Variants in PLXNC1 observed in about 807,000 individuals in gnomAD.
The protein encoded by PLXNC1 is plexin-C1.
A neutral mutation model predicts 178.2 loss-of-function variants in PLXNC1; 75 were observed. That is an observed-to-expected ratio of 0.42 (90% CI 0.35 to 0.51). The LOEUF (loss-of-function observed/expected upper bound fraction) is 0.51. PLXNC1 is among the 20% of genes least tolerant of loss of function. The pLI is 0.02. For missense variants in PLXNC1, 1,503 were observed against 1,984.4 expected (o/e 0.76, Z 4.61); for synonymous variants, 790 against 779.9 (o/e 1.01, Z -0.22).
chr12:94,209,679 A>G lies in PLXNC1; in HGVS notation c.1529A>G (p.Gln510Arg), dbSNP rs1963407431. The change falls in exon 5 of 31, where the codon CAG becomes CGG. Residue 510 changes from glutamine (Q) to arginine (R), a missense_variant. Transcript: ENST00000258526. ...SSGAKKCPKI[Q>R]IIRSSKEKTT... ...GGAGCAAAAAAGTGCCCTAAAATTC[A>G]GATAATTCGAAGCAGTAAAGAAAAG... 3.1e-6 allele frequency: 5 copies of G among 1,609,342 alleles called. No homozygotes were observed. The South Asian group carries it at 5.5e-5, about 18-fold the overall frequency.
At chr12:94,298,968 A>G (rs751521935) in intron 27 of PLXNC1, among the ~76,000 whole-genome samples, 173 bp downstream of exon 27, 8 of 152,232 alleles carry the variant, frequency 5.3e-5, no homozygotes, top group Non-Finnish European at 1.2e-4. Flanking sequence ...TTTAAACAAT[A>G]AAGGAAACCA....
chr12:94,259,555 C>T, intron 18 of PLXNC1, 55 bp from the exon 19 acceptor site: 1 of 1,361,334 alleles, frequency 7.3e-7, no homozygotes, highest in South Asian at 1.5e-5. Context: ...TACTTTCTAA[C>T]TTTAAACTTA....
chr12:94,219,781 CA>C (rs1417189001), intron 5 of PLXNC1, among the ~76,000 whole-genome samples: 2 of 148,228 alleles, frequency 1.3e-5, no homozygotes, highest in Admixed American at 1.3e-4. Flanking sequence ...AAATAGCCAA[CA>C]AAACATCTAT....
At chr12:94,250,308 G>A (rs942071719) in intron 14 of PLXNC1, among the ~76,000 whole-genome samples, 2 of 152,168 alleles carry the variant, frequency 1.3e-5, no homozygotes, top group African/African-American at 2.4e-5. Context: ...GGCGCCATGA[G>A]CTGACTTATT....
intron 8 of PLXNC1, 91 bp downstream of exon 8, chr12:94,226,798 T>C (rs1009885390): frequency 3.3e-6 from 3 of 903,632 alleles, no homozygotes; most frequent in African/African-American, 3.3e-5. Flanking sequence ...TCGAGGCGGG[T>C]GGATCAATTG....
At chr12:94,261,471 G>A (rs1964985911) in intron 20 of PLXNC1, among the ~76,000 whole-genome samples, 1 of 152,232 alleles carries the variant, frequency 6.6e-6, no homozygotes, top group Non-Finnish European at 1.5e-5. Context: ...ATAAACTAGA[G>A]AATTGGAAGA....
intron 18 of PLXNC1, 99 bp downstream of exon 18, chr12:94,259,474 AT>A: frequency 8.2e-7 from 1 of 1,215,870 alleles, no homozygotes; most frequent in Non-Finnish European, 1.2e-6. Context: ...TTGAATTTTT[AT>A]TGTGGGTTTT....
chr12:94,278,775 A>G (rs1966188533), intron 21 of PLXNC1, among the ~76,000 whole-genome samples: 1 of 152,168 alleles, frequency 6.6e-6, no homozygotes, highest in African/African-American at 2.4e-5. Flanking sequence ...AGGTGGGCAG[A>G]TCACAAGGTC....
At position 94,169,225 on chromosome 12, in the gene PLXNC1, G is replaced by A. The variant is rs759512732; in HGVS notation, c.1135G>A (p.Val379Ile). ...STLIHSDLTS[V>I]YGTVVMNRTV... ...CTTGATCCATTCCGACCTGACATCC[G>A]TTTATGGCACCGTGGTAATGAACAG... is the stretch of plus-strand genomic sequence containing the variant. Residue 379 changes from valine (V) to isoleucine (I), a missense_variant, in exon 2 of 31, where the codon GTT becomes ATT. This residue lies in a region of PLXNC1 where 615 missense variants were observed against 698.6 expected (regional missense o/e 0.88). Transcript: ENST00000258526. 13 of 1,613,648 alleles carry A rather than the reference G, an allele frequency of 8.1e-6. No homozygotes were observed. The highest frequency in any genetic ancestry group is 4.0e-5 in the African/African-American group (3 of 74,910).
intron 2 of PLXNC1, among the ~76,000 whole-genome samples, chr12:94,177,553 A>AGAG (rs1962149530): frequency 2.1e-5 from 3 of 140,150 alleles, no homozygotes; most frequent in African/African-American, 8.8e-5. Flanking sequence ...GAGAGAAAGA[A>AGAG]AAAGAAAGAG....
At chr12:94,224,919 C>G (rs533089792) in intron 7 of PLXNC1, among the ~76,000 whole-genome samples, 1 of 152,022 alleles carries the variant, frequency 6.6e-6, no homozygotes, top group South Asian at 2.1e-4. Flanking sequence ...AAAGAAGGAG[C>G]GCTGCTAGGT....
At chr12:94,283,475 G>T (rs559109319) in intron 23 of PLXNC1, among the ~76,000 whole-genome samples, 2 of 152,294 alleles carry the variant, frequency 1.3e-5, no homozygotes, top group East Asian at 3.9e-4. Context: ...TGCCCAACAG[G>T]TTCACCTTCC....
chr12:94,201,748 C>CTTTTTTTTTTTTTTTTTT (rs10529488), intron 4 of PLXNC1, among the ~76,000 whole-genome samples: 1 of 54,422 alleles, frequency 1.8e-5, no homozygotes, highest in African/African-American at 7.3e-5. Context: ...CTTCCCACTA[C>CTTTTTTTTTTTTTTTTTT]TTTTTTTTTT....
intron 1 of PLXNC1, among the ~76,000 whole-genome samples, chr12:94,166,243 T>C (rs1961603733): frequency 6.7e-6 from 1 of 149,394 alleles, no homozygotes; most frequent in African/African-American, 2.4e-5. Flanking sequence ...GCCAAACCTG[T>C]TCTAAGCTTT....
chr12:94,253,211 GAAAAAAAA>G (rs35584186), intron 15 of PLXNC1, among the ~76,000 whole-genome samples: 6 of 42,024 alleles, frequency 1.4e-4, no homozygotes, highest in African/African-American at 3.0e-4. Context: ...CTCCGTCTCA[GAAAAAAAA>G]AAAAAAAAAA....
Position 94,169,301 on chromosome 12 carries a change from T to G in PLXNC1, c.1203+8T>G, listed in dbSNP as rs1961751537. ...GATGGCCAGTTACTTAAGGTTGGTT[T>G]TCTGTGCCTTCTTCAAATGTCTATT... is the stretch of plus-strand genomic sequence containing the variant. On this transcript the variant is annotated splice_region_variant and intron_variant, in intron 2 of 30. Transcript: ENST00000258526. The G allele has an allele frequency of 2.5e-6, 4 of 1,611,296 alleles. No individual in the cohort carries two copies. The East Asian group carries it at 8.9e-5, about 36-fold the overall frequency.
At chr12:94,215,300 A>G (rs1963611027) in intron 5 of PLXNC1, among the ~76,000 whole-genome samples, 1 of 152,240 alleles carries the variant, frequency 6.6e-6, no homozygotes, top group African/African-American at 2.4e-5. Context: ...CTTAGAATAT[A>G]TGGAAAACAT....
chr12:94,236,109 T>C (rs1277105298), intron 9 of PLXNC1, among the ~76,000 whole-genome samples: 1 of 152,258 alleles, frequency 6.6e-6, no homozygotes, highest in African/African-American at 2.4e-5. Flanking sequence ...CAGTCAAGTA[T>C]AACAGAATAA....
intron 22 of PLXNC1, among the ~76,000 whole-genome samples, chr12:94,281,393 A>G (rs1027326344): frequency 6.6e-6 from 1 of 152,198 alleles, no homozygotes; most frequent in Non-Finnish European, 1.5e-5. Context: ...CAGAAAATAC[A>G]TAAGGGGTGT....
Sources: gnomAD v4.1 joint callset for allele counts (sites outside exome capture counted in the v4.1 genomes callset) on GRCh38, gnomAD v4.1.1 for gene constraint, gnomAD v4.1.1 regional missense constraint, MANE v1.5 for transcripts, NCBI Gene and HGNC (gene_info 2026-07-23, HGNC 2026-07-21) for gene names.